The following METTL6 variants were observed in gnomAD, a reference collection of about 807,000 sequenced individuals.
METTL6 encodes methyltransferase 6, tRNA N3-cytidine, also known as tRNA N(3)-cytidine methyltransferase METTL6.
METTL6 carries 22 observed loss-of-function variants against 26.4 expected under a neutral mutation model. That is an observed-to-expected ratio of 0.83 (90% CI 0.59 to 1.19). METTL6 has a LOEUF of 1.19. METTL6 is among the 50% of genes most tolerant of loss of function. The pLI is 0.00. For synonymous variants in METTL6, 109 were observed against 116.2 expected (o/e 0.94, Z 0.40); for missense variants, 304 against 324.8 (o/e 0.94, Z 0.49).
In METTL6 at chr3:15,414,072, C is replaced by A. The variant is rs762030943; in HGVS notation, c.622G>T (p.Glu208Ter). 1.2e-6 allele frequency: 2 copies of A among 1,614,168 alleles called. No homozygotes were observed. The highest frequency in any genetic ancestry group is 1.1e-5 in the South Asian group (1 of 91,088). The change falls in exon 5 of 6, where the codon GAA becomes TAA. Residue 208 changes from glutamate (E) to a stop codon, truncating the protein, a stop_gained. Coordinates refer to ENST00000383790, the MANE Select transcript of METTL6 (RefSeq NM_152396.4). LOFTEE classifies it high-confidence loss of function. ...CCATCTTGTCTAACATAAAAGTTTT[C>A]TCCAAGTTTGCTGCTGGCTTTAAAC... ...LRFKASSKLG[E>*]NFYVRQDGTR... is the part of the protein sequence containing the mutation.
intron 3 of METTL6, among the ~76,000 whole-genome samples, 179 bp from the exon 4 acceptor site, chr3:15,416,121 A>C (rs1376525702): frequency 6.6e-6 from 1 of 152,256 alleles, no homozygotes; most frequent in Non-Finnish European, 1.5e-5. Context: ...CACTACTGCT[A>C]CAGGAGCAAG....
chr3:15,423,962 T>C (rs2061664483), intron 3 of METTL6, among the ~76,000 whole-genome samples: 1 of 151,838 alleles, frequency 6.6e-6, no homozygotes, highest in Non-Finnish European at 1.5e-5. Context: ...ATCCCAGCAT[T>C]TTGGGAGGCT....
intron 6 of METTL6, among the ~76,000 whole-genome samples, chr3:15,387,034 G>A (rs1699219220): frequency 6.6e-6 from 1 of 152,134 alleles, no homozygotes; most frequent in African/African-American, 2.4e-5. Context: ...CTGACCTCAG[G>A]TGATCCACCT....
intron 6 of METTL6, among the ~76,000 whole-genome samples, chr3:15,387,120 T>C (rs955902700): frequency 4.6e-5 from 7 of 152,124 alleles, no homozygotes; most frequent in African/African-American, 1.7e-4. Flanking sequence ...TTTCTATCTA[T>C]TGGGAGATTG....
chr3:15,422,858 C>G (rs2061638225), intron 3 of METTL6, among the ~76,000 whole-genome samples: 1 of 152,068 alleles, frequency 6.6e-6, no homozygotes, highest in African/African-American at 2.4e-5. Context: ...TGCCTCATGA[C>G]AGGATGTAAT....
intron 6 of METTL6, among the ~76,000 whole-genome samples, chr3:15,398,887 C>A (rs1699562950): frequency 6.6e-6 from 1 of 152,028 alleles, no homozygotes; most frequent in South Asian, 2.1e-4. Flanking sequence ...GGGCTGCATT[C>A]CCAGGAGGTT....
chr3:15,406,622 A>G (rs1559485675), downstream of METTL6, among the ~76,000 whole-genome samples: 35 of 99,412 alleles, frequency 3.5e-4, no homozygotes, highest in Non-Finnish European at 4.9e-4. Flanking sequence ...ATATATATAT[A>G]TATATATAGA....
intron 3 of METTL6, among the ~76,000 whole-genome samples, chr3:15,423,790 G>T (rs2061660265): frequency 6.6e-6 from 1 of 152,138 alleles, no homozygotes; most frequent in African/African-American, 2.4e-5. Context: ...GACTGAGGTG[G>T]GAGGATCTGC....
At chr3:15,418,595 G>C (rs550622523) in intron 3 of METTL6, among the ~76,000 whole-genome samples, 1 of 152,250 alleles carries the variant, frequency 6.6e-6, no homozygotes, top group Non-Finnish European at 1.5e-5. Context: ...GAATCCCAGA[G>C]GGAGAAGAGA....
intron 5 of METTL6, among the ~76,000 whole-genome samples, chr3:15,412,991 T>C (rs1422733021): frequency 6.6e-6 from 1 of 152,166 alleles, no homozygotes; most frequent in Non-Finnish European, 1.5e-5. Flanking sequence ...ATACCTGCAG[T>C]CCCAGAATTT....
At position 15,401,193 on chromosome 3, in the gene METTL6, C is replaced by T. The variant is rs544224094; in HGVS notation, c.*11+10052G>A. Among the ~76,000 whole-genome samples the T allele has an allele frequency of 5.3e-5, 8 of 152,244 alleles. No homozygotes were observed. In the East Asian group the frequency reaches 9.7e-4, roughly 18 times the overall value. On this transcript the variant is annotated intron_variant, in intron 6 of 6. Coordinates refer to the METTL6 transcript ENST00000443029. Reference sequence around the variant, plus strand: ...TAGCTGGGACTACAGGCGCCCACCACCACGCCTGGCTAATTTTTTATATTT... The same window carrying T: ...TAGCTGGGACTACAGGCGCCCACCATCACGCCTGGCTAATTTTTTATATTT...
At chr3:15,403,790 C>G (rs1322360609) in intron 6 of METTL6, among the ~76,000 whole-genome samples, 1 of 152,218 alleles carries the variant, frequency 6.6e-6, no homozygotes, top group Non-Finnish European at 1.5e-5. Flanking sequence ...GGTCACTCAA[C>G]AGAGTAGCCC....
intron 3 of METTL6, among the ~76,000 whole-genome samples, chr3:15,424,241 G>C (rs1468933476): frequency 1.3e-5 from 2 of 152,122 alleles, no homozygotes; most frequent in African/African-American, 4.8e-5. Context: ...ATTTGGAATG[G>C]ATGTTAATAA....
intron 3 of METTL6, among the ~76,000 whole-genome samples, chr3:15,420,375 T>C (rs991445012): frequency 1.3e-5 from 2 of 152,216 alleles, no homozygotes; most frequent in African/African-American, 2.4e-5. Context: ...ACTTTCTAGA[T>C]GTTTAGAAGT....
chr3:15,418,154 A>G (rs2061531245), intron 3 of METTL6, among the ~76,000 whole-genome samples: 1 of 152,206 alleles, frequency 6.6e-6, no homozygotes, highest in Non-Finnish European at 1.5e-5. Context: ...TTTAACCAAA[A>G]AGTAGAAAAC....
chr3:15,408,039 G>T (rs9847287), downstream of METTL6, among the ~76,000 whole-genome samples: 3 of 152,126 alleles, frequency 2.0e-5, no homozygotes, highest in Non-Finnish European at 4.4e-5. Context: ...TTATTTTCCT[G>T]GCCTCAACTT....
chr3:15,384,066 G>A (rs6805874), exon 7 of METTL6: 32,538 of 362,740 alleles, frequency 0.09, 1,648 homozygotes, highest in East Asian at 0.17. Flanking sequence ...GCAAAATTAG[G>A]GTTGAGGTAC....
intron 3 of METTL6, among the ~76,000 whole-genome samples, chr3:15,419,571 T>C (rs902812644): frequency 3.3e-5 from 5 of 152,114 alleles, no homozygotes; most frequent in Non-Finnish European, 5.9e-5. Context: ...TTGGTAAATA[T>C]AAAAAAGACT....
chr3:15,395,042 T>A (rs1699450546), intron 6 of METTL6, among the ~76,000 whole-genome samples: 1 of 152,218 alleles, frequency 6.6e-6, no homozygotes, highest in Admixed American at 6.5e-5. Context: ...TGAGTTCAAG[T>A]CCTGGATATC....
Sources: allele counts gnomAD v4.1 joint callset (sites outside exome capture counted in the v4.1 genomes callset), GRCh38; gene constraint gnomAD v4.1.1; transcripts MANE v1.5; gene names NCBI Gene and HGNC (gene_info 2026-07-23, HGNC 2026-07-21).